Variants in MTOR observed in about 807,000 individuals in gnomAD.
MTOR encodes the protein serine/threonine-protein kinase mTOR.
A neutral mutation model predicts 319.8 loss-of-function variants in MTOR; 70 were observed. The observed-to-expected ratio is 0.22, with a 90% CI of 0.18 to 0.27. MTOR has a LOEUF of 0.27. Ranked by LOEUF, MTOR falls within the 10% of genes least tolerant of loss-of-function variation. MTOR has a pLI of 1.00. For synonymous variants in MTOR, 1,183 were observed against 1,211.4 expected (o/e 0.98, Z 0.49); for missense variants, 1,890 against 3,274.4 (o/e 0.58, Z 10.32).
At chr1:11,142,715 A>C (rs1643772902) in intron 34 of MTOR, among the ~76,000 whole-genome samples, 2 of 152,156 alleles carry the variant, frequency 1.3e-5, no homozygotes, top group African/African-American at 4.8e-5. Flanking sequence ...ATGGAGATAA[A>C]CTTAAAAGTC....
intron 52 of MTOR, 177 bp from the exon 53 acceptor site, chr1:11,114,630 A>G: frequency 9.6e-7 from 1 of 1,041,570 alleles, no homozygotes. Context: ...AAACCAGGTC[A>G]GAAGTGAAGT....
chr1:11,108,327 C>T (rs754177112), intron 56 of MTOR, 41 bp from the exon 57 acceptor site: 1 of 1,468,874 alleles, frequency 6.8e-7, no homozygotes, highest in Admixed American at 1.7e-5. Flanking sequence ...CTCTTCCTGG[C>T]AATCGATGCA....
chr1:11,169,198 T>C (rs939851390), intron 28 of MTOR, among the ~76,000 whole-genome samples: 3 of 152,228 alleles, frequency 2.0e-5, no homozygotes, highest in African/African-American at 4.8e-5. Context: ...TGCCCAGAAA[T>C]CTAAAGAAGC....
Position 11,209,404 on chromosome 1 carries a change from G to A in MTOR, c.3709C>T (p.Leu1237Phe). 1 of 1,614,160 alleles carries A rather than the reference G, an allele frequency of 6.2e-7. No individual in the cohort carries two copies. Among genetic ancestry groups the A allele is most frequent in the Non-Finnish European group, 8.5e-7 (1 of 1,180,020 alleles). ...EDPLIYQHRM[L>F]RSGQGDALAS... ...AATGCATCCCCTTGGCCACTCCTAA[G>A]CATCCGATGCTGGTAAATCAAAGGA... Residue 1237 changes from leucine (L) to phenylalanine (F), a missense_variant, in exon 25 of 58, where the codon CTT (leucine) becomes TTT (phenylalanine). This residue lies in a region of MTOR where 115 missense variants were observed against 105.7 expected (regional missense o/e 1.09). Coordinates refer to ENST00000361445, the MANE Select transcript of MTOR (RefSeq NM_004958.4).
chr1:11,153,918 A>T (rs1644230344), intron 30 of MTOR, among the ~76,000 whole-genome samples: 1 of 151,474 alleles, frequency 6.6e-6, no homozygotes, highest in African/African-American at 2.4e-5. Context: ...AAAATACAAA[A>T]ATCAGCCGGG....
At chr1:11,119,527 C>T (rs12119026) in intron 49 of MTOR, among the ~76,000 whole-genome samples, 8,404 of 141,792 alleles carry the variant, frequency 0.059, 348 homozygotes, top group South Asian at 0.13. Context: ...GCCGAGATCG[C>T]GCCACTGCAC....
chr1:11,248,603 G>A (rs891291652), intron 6 of MTOR, among the ~76,000 whole-genome samples: 3 of 152,216 alleles, frequency 2.0e-5, no homozygotes, highest in East Asian at 3.9e-4. Context: ...CCTGAGGTCA[G>A]GAGTTCAAGC....
At position 11,134,139 on chromosome 1, in the gene MTOR, A is replaced by G. The variant is rs567482352; in HGVS notation, c.5246+212T>C. Among the ~76,000 whole-genome samples the G allele has an allele frequency of 2.6e-5, 4 of 152,286 alleles. 1 individual carries two copies. The highest frequency in any genetic ancestry group is 2.1e-4 in the South Asian group (1 of 4,828). ...AAACCAGACGCCAGGAGAACAGCAC[A>G]TGGGTGCTCTTGGGCTGCTGAACCT... is the stretch of plus-strand genomic sequence containing the variant. On this transcript the variant is annotated intron_variant, in intron 37 of 57. Coordinates refer to ENST00000361445, the MANE Select transcript of MTOR (RefSeq NM_004958.4).
chr1:11,251,536 T>A (rs1201978711), intron 6 of MTOR, among the ~76,000 whole-genome samples: 1 of 152,252 alleles, frequency 6.6e-6, no homozygotes, highest in African/African-American at 2.4e-5. Context: ...TTTTGTTCAC[T>A]GCTGGATTAT....
chr1:11,212,445 G>A lies in MTOR; in HGVS notation c.3428C>T (p.Thr1143Met), dbSNP rs752142242. The A allele has an allele frequency of 1.9e-6, 3 of 1,614,108 alleles. No individual in the cohort carries two copies. Among genetic ancestry groups the A allele is most frequent in the Non-Finnish European group, 2.5e-6 (3 of 1,179,996 alleles). ...ATAGTCAGTGAAATCCAGGGACTCC[G>A]TCAGGCGGTCCACAGTCTCTAGCGC... ...KAALETVDRL[T>M]ESLDFTDYAS... The change falls in exon 23 of 58, where the codon ACG becomes ATG. Residue 1143 changes from threonine to methionine, a missense_variant. Transcript: ENST00000361445. This position sits in a 1 kb window ranked among gnomAD's most constrained non-coding sequence, Gnocchi z 4.1.
At chr1:11,183,918 T>C (rs1400599122) in intron 28 of MTOR, among the ~76,000 whole-genome samples, 2 of 152,238 alleles carry the variant, frequency 1.3e-5, no homozygotes, top group African/African-American at 2.4e-5. Context: ...CAAGTGTCTA[T>C]ATCACATGGC....
chr1:11,192,749 A>G (rs1177977369), intron 28 of MTOR, among the ~76,000 whole-genome samples: 1 of 17,176 alleles, frequency 5.8e-5, no homozygotes, highest in Non-Finnish European at 2.7e-4. Context: ...CATTTCAATT[A>G]AAAAAAAAAA....
Position 11,256,922 on chromosome 1 carries a change from T to A in MTOR, c.504+11A>T. The A allele has an allele frequency of 6.2e-7, 1 of 1,611,100 alleles. No individual in the cohort carries two copies. Among genetic ancestry groups the A allele is most frequent in the Non-Finnish European group, 8.5e-7 (1 of 1,178,120 alleles). On this transcript the variant is annotated intron_variant, in intron 4 of 57. Coordinates refer to ENST00000361445, the MANE Select transcript of MTOR (RefSeq NM_004958.4). ...CCAAGCCTGGCTGTGCTCCTCCCTG[T>A]AGACACTCACAGCTGCATGTCTCCG...
intron 15 of MTOR, among the ~76,000 whole-genome samples, chr1:11,232,799 C>G (rs1647064102): frequency 6.6e-6 from 1 of 151,382 alleles, no homozygotes; most frequent in Non-Finnish European, 1.5e-5. Context: ...CACTTGAACC[C>G]AGGAGATGGA....
intron 25 of MTOR, among the ~76,000 whole-genome samples, chr1:11,205,648 G>C (rs1646113286): frequency 6.6e-6 from 1 of 152,218 alleles, no homozygotes; most frequent in Admixed American, 6.5e-5. Flanking sequence ...GAGCCTCAGA[G>C]TGCCTCATCT....
intron 47 of MTOR, among the ~76,000 whole-genome samples, chr1:11,123,723 C>G (rs1044027463): frequency 1.3e-5 from 2 of 152,142 alleles, no homozygotes; most frequent in African/African-American, 4.8e-5. Flanking sequence ...CCTGCTGTAG[C>G]CTTCCAAAGT....
At chr1:11,206,526 G>C (rs1293002325) in intron 25 of MTOR, among the ~76,000 whole-genome samples, 1 of 152,210 alleles carries the variant, frequency 6.6e-6, no homozygotes, top group Admixed American at 6.5e-5. Flanking sequence ...GATTAAATGA[G>C]TTAATATAGT....
At chr1:11,130,861 A>C (rs2100435034) in intron 38 of MTOR, 84 bp from the exon 39 acceptor site, 1 of 1,481,748 alleles carries the variant, frequency 6.7e-7, no homozygotes, top group Non-Finnish European at 9.0e-7. Context: ...ATGCTGAGGA[A>C]CAGCTGCTCC....
intron 30 of MTOR, 25 bp downstream of exon 30, chr1:11,157,127 C>T (rs2100566489): frequency 1.3e-6 from 2 of 1,573,816 alleles, no homozygotes; most frequent in African/African-American, 2.7e-5. Context: ...TGCAGCCACA[C>T]ATGCCATCAT....
Sources: allele counts gnomAD v4.1 joint callset (sites outside exome capture counted in the v4.1 genomes callset), GRCh38; gene constraint gnomAD v4.1.1; regional missense constraint gnomAD v4.1.1; non-coding constraint Gnocchi (gnomAD v3.1); transcripts MANE v1.5; gene names NCBI Gene and HGNC (gene_info 2026-07-23, HGNC 2026-07-21).